The following CHURC1 variants were observed in gnomAD, a reference collection of about 807,000 sequenced individuals.
CHURC1 encodes the protein protein Churchill.
A neutral mutation model predicts 15.4 loss-of-function variants in CHURC1; 12 were observed. That is an observed-to-expected ratio of 0.78 (90% confidence interval 0.50 to 1.27). The LOEUF (loss-of-function observed/expected upper bound fraction) is 1.27. CHURC1 is among the 50% of genes most tolerant of loss of function. CHURC1 has a pLI of 0.00. For synonymous variants in CHURC1, 42 were observed against 47.5 expected, an observed-to-expected ratio of 0.88 and a Z score of 0.48; for missense variants, 132 against 137.8, an observed-to-expected ratio of 0.96 and a Z score of 0.21.
At chr14:64,917,872 A>G (rs1884000205) in intron 1 of CHURC1, among the ~76,000 whole-genome samples, 1 of 152,252 alleles carries the variant, frequency 6.6e-6, no homozygotes. Flanking sequence ...ATATGGGAAG[A>G]AAAAACAAAA....
chr14:64,921,467 A>C (rs2139888987), intron 1 of CHURC1, among the ~76,000 whole-genome samples: 1 of 138,696 alleles, frequency 7.2e-6, no homozygotes, highest in African/African-American at 2.9e-5. Flanking sequence ...AACTCTTACA[A>C]CTCAAAATAA....
rs1169183532 is a variant in CHURC1 at position 64,934,272 on chromosome 14, C to A, written c.*2042C>A. The A allele has an allele frequency of 5.7e-6, 2 of 348,296 alleles. No individual in the cohort carries two copies. The highest frequency in any genetic ancestry group is 1.2e-4 in the South Asian group (1 of 8,530). 21.6% of individuals were successfully genotyped at this position (348,296 alleles called of 1,614,324 possible). On this transcript the variant is annotated 3_prime_UTR_variant, in exon 4 of 4. Coordinates refer to ENST00000549115, the MANE Select transcript of CHURC1 (RefSeq NM_001386928.1). ...GCTGAACAGGAGAATCGCTTGAACC[C>A]GCGACAGGGAGGTTGTGATGAGCCA... is the stretch of plus-strand genomic sequence containing the variant.
At chr14:64,929,449 A>G (rs1433442891) in intron 3 of CHURC1, among the ~76,000 whole-genome samples, 1 of 152,070 alleles carries the variant, frequency 6.6e-6, no homozygotes, top group Non-Finnish European at 1.5e-5. Flanking sequence ...CCTCAGCCTA[A>G]TGGCCACAAG....
intron 1 of CHURC1, 147 bp downstream of exon 1, chr14:64,914,681 G>C: frequency 4.8e-6 from 7 of 1,462,462 alleles, no homozygotes; most frequent in Non-Finnish European, 6.4e-6. Context: ...AGGCACACCA[G>C]GGATGGCCTG....
intron 1 of CHURC1, among the ~76,000 whole-genome samples, chr14:64,919,620 C>T (rs1046550892): frequency 3.9e-5 from 6 of 152,164 alleles, no homozygotes; most frequent in African/African-American, 7.2e-5. Context: ...TGGTGGCTCA[C>T]GCCTGTAATC....
chr14:64,914,579 T>C (rs1883724679), intron 1 of CHURC1, 45 bp downstream of exon 1: 1 of 1,612,898 alleles, frequency 6.2e-7, no homozygotes, highest in Non-Finnish European at 8.5e-7. Flanking sequence ...GCCCCCGAGG[T>C]GTCTCATATC....
chr14:64,931,957 A>T lies in CHURC1; in HGVS notation c.247-181A>T, dbSNP rs149696985. Among the ~76,000 whole-genome samples the T allele has an allele frequency of 6.2e-3, 938 of 152,364 alleles. 6 individuals are homozygous for T. Among genetic ancestry groups the T allele is most frequent in the Non-Finnish European group, 0.01 (697 of 68,040 alleles). ...GACATTTATGTATCAATTTATATAA[A>T]CAACAGGCTCTGGAATATACAGAAT... On this transcript the variant is annotated intron_variant, in intron 3 of 3. Transcript: ENST00000549115.
At chr14:64,922,217 C>T (rs1566828526) in intron 1 of CHURC1, among the ~76,000 whole-genome samples, 1 of 151,888 alleles carries the variant, frequency 6.6e-6, no homozygotes, top group Admixed American at 6.6e-5. Flanking sequence ...AAGTCATTCA[C>T]CTATGTATAC....
chr14:64,930,494 A>G (rs139653330), intron 3 of CHURC1, among the ~76,000 whole-genome samples: 2 of 152,198 alleles, frequency 1.3e-5, no homozygotes. Flanking sequence ...TTGAATTCCA[A>G]ATAATTGACT....
At chr14:64,924,336 C>T (rs1319531490) in intron 2 of CHURC1, 3 of 478,250 alleles carry the variant, frequency 6.3e-6, no homozygotes, top group Admixed American at 4.7e-5. Context: ...ATAACTAAAG[C>T]TTACGATTCA....
intron 1 of CHURC1, among the ~76,000 whole-genome samples, chr14:64,919,142 G>A (rs916681823): frequency 1.3e-5 from 2 of 151,842 alleles, no homozygotes; most frequent in Admixed American, 6.6e-5. Context: ...AAAGCATTTA[G>A]CAAACCAGTC....
rs533105675 is a variant in CHURC1 at position 64,932,553 on chromosome 14, G to A, written c.*323G>A. 898 of 737,290 alleles carry A rather than the reference G, an allele frequency of 1.2e-3. 3 individuals carry two copies. The highest frequency in any genetic ancestry group is 1.4e-3 in the Non-Finnish European group (830 of 588,840). 45.7% of individuals were successfully genotyped at this position (737,290 alleles called of 1,614,324 possible). On this transcript the variant is annotated 3_prime_UTR_variant, in exon 4 of 4. Transcript: ENST00000549115. Reference sequence around the variant, plus strand: ...CAATAAAAGGAACCAGGACTCCTTAGAAAATGAACTGATTCTAGAACTGGG... The same window carrying A: ...CAATAAAAGGAACCAGGACTCCTTAAAAAATGAACTGATTCTAGAACTGGG...
chr14:64,930,507 C>G (rs1489694120), intron 3 of CHURC1, among the ~76,000 whole-genome samples: 1 of 152,194 alleles, frequency 6.6e-6, no homozygotes, highest in Non-Finnish European at 1.5e-5. Flanking sequence ...AATTGACTTG[C>G]AATGAAATTT....
At chr14:64,916,112 C>T (rs554287800) in intron 1 of CHURC1, among the ~76,000 whole-genome samples, 75 of 152,186 alleles carry the variant, frequency 4.9e-4, no homozygotes, top group African/African-American at 1.7e-3. Flanking sequence ...GAATTATAGC[C>T]GTGAAACCAA....
At chr14:64,920,100 C>T (rs1040662347) in intron 1 of CHURC1, among the ~76,000 whole-genome samples, 2 of 152,058 alleles carry the variant, frequency 1.3e-5, no homozygotes, top group Non-Finnish European at 1.5e-5. Flanking sequence ...TAACTTGTAT[C>T]ATCTGAAATA....
At position 64,924,029 on chromosome 14, in the gene CHURC1, C is replaced by T; in HGVS notation, c.78C>T (p.Asn26=). 6.3e-7 allele frequency: 1 copy of T among 1,583,218 alleles called. No homozygotes were observed. The highest frequency in any genetic ancestry group is 8.6e-7 in the Non-Finnish European group (1 of 1,162,864). ...TGGAGAATGGATCTTTCTTACTGAA[C>T]TTTACAGGCTGTGCAGTGTGCAGTA... ...TCLENGSFLL[N]FTGCAVCSKR... The change falls in exon 2 of 4, where the codon AAC becomes AAT. Residue 26 remains asparagine (N), a synonymous_variant. Coordinates refer to ENST00000549115, the MANE Select transcript of CHURC1 (RefSeq NM_001386928.1).
At chr14:64,919,093 T>C (rs973045372) in intron 1 of CHURC1, among the ~76,000 whole-genome samples, 3 of 152,220 alleles carry the variant, frequency 2.0e-5, no homozygotes, top group African/African-American at 7.2e-5. Context: ...CAAATGTTTT[T>C]TAACTCAATG....
At chr14:64,928,315 A>G (rs570897745) in intron 3 of CHURC1, among the ~76,000 whole-genome samples, 10 of 152,302 alleles carry the variant, frequency 6.6e-5, no homozygotes, top group African/African-American at 2.2e-4. Context: ...TGGCCTGATC[A>G]CAGCTCCCTG....
At chr14:64,919,820 G>A (rs1884144611) in intron 1 of CHURC1, among the ~76,000 whole-genome samples, 1 of 151,854 alleles carries the variant, frequency 6.6e-6, no homozygotes, top group South Asian at 2.1e-4. Flanking sequence ...GGAGGCGGAG[G>A]TTGCAGTGAG....
Sources: gnomAD v4.1 joint callset for allele counts (sites outside exome capture counted in the v4.1 genomes callset) on GRCh38, gnomAD v4.1.1 for gene constraint, MANE v1.5 for transcripts, NCBI Gene and HGNC (gene_info 2026-07-23, HGNC 2026-07-21) for gene names.